The following SHISAL2A variants were observed in gnomAD, a reference collection of about 807,000 sequenced individuals.
The protein encoded by SHISAL2A is protein shisa-like-2A.
In SHISAL2A, 18 loss-of-function variants were observed where a neutral mutation model predicts 11.5. The ratio of observed to expected loss-of-function variants is 1.57; its 90% CI spans 1.08 to 2.33. SHISAL2A has a LOEUF of 2.33. SHISAL2A is among the 30% of genes most tolerant of loss of function. SHISAL2A has a pLI of 0.00. For synonymous variants in SHISAL2A, 94 were observed against 99.6 expected, an observed-to-expected ratio of 0.94 and a Z score of 0.34; for missense variants, 261 against 250.9, an observed-to-expected ratio of 1.04 and a Z score of -0.27.
rs753856047 is a variant in SHISAL2A, at chr1:52,642,846, T to C, written c.183-17T>C. 1 of 1,612,342 alleles carries C rather than the reference T, an allele frequency of 6.2e-7. No individual in the cohort carries two copies. Among genetic ancestry groups the C allele is most frequent in the Non-Finnish European group, 8.5e-7 (1 of 1,179,734 alleles). On this transcript the variant is annotated splice_polypyrimidine_tract_variant and intron_variant, in intron 1 of 2. Transcript: ENST00000517870. The stretch of plus-strand genomic sequence containing the variant: ...CCCTTCCTGACTCTCAGCTCCCATG[T>C]GGTCTTCTCTTCCCAGCATTGGCGC...
At chr1:52,663,948 T>TG (rs1691957177) in intron 4 of SHISAL2A, among the ~76,000 whole-genome samples, 1 of 152,316 alleles carries the variant, frequency 6.6e-6, no homozygotes, top group African/African-American at 2.4e-5. Context: ...GTACCAACCC[T>TG]GATTATGCTG....
chr1:52,635,380 C>T (rs1691216670), intron 1 of SHISAL2A, among the ~76,000 whole-genome samples: 1 of 147,740 alleles, frequency 6.8e-6, no homozygotes, highest in African/African-American at 2.5e-5. Flanking sequence ...CCAGAGAATT[C>T]GGAGACTATG....
At chr1:52,649,878 C>T (rs190728498) in intron 2 of SHISAL2A, among the ~76,000 whole-genome samples, 1 of 152,198 alleles carries the variant, frequency 6.6e-6, no homozygotes, top group East Asian at 1.9e-4. Flanking sequence ...GTGAAGAGGT[C>T]ATTAGTCAGC....
chr1:52,652,529 T>C (rs1691689671), intron 2 of SHISAL2A, among the ~76,000 whole-genome samples: 1 of 152,138 alleles, frequency 6.6e-6, no homozygotes, highest in South Asian at 2.1e-4. Flanking sequence ...AGGCTAAATA[T>C]GGGATTCAGC....
downstream of SHISAL2A, chr1:52,657,212 A>G (rs2149891884): frequency 1.1e-6 from 1 of 879,576 alleles, no homozygotes; most frequent in Non-Finnish European, 1.7e-6. Flanking sequence ...TGTGGGCCAA[A>G]GAACTTTGAC....
rs533532593 is a variant in SHISAL2A at position 52,665,411 on chromosome 1, G to T, written n.696-1988G>T. 2.6e-5 allele frequency among the ~76,000 whole-genome samples: 4 copies of T among 152,222 alleles called. No homozygotes were observed. In the East Asian group the frequency reaches 5.8e-4, roughly 22 times the overall value. On this transcript the variant is annotated intron_variant and non_coding_transcript_variant, in intron 4 of 5. Transcript: ENST00000401050. ...GGGTGGGGACAGAGGTCAGCAGGAG[G>T]ATCCCACTCCCCTAGGGAGGAGCAG...
chr1:52,644,881 G>A (rs544954550), intron 2 of SHISAL2A, among the ~76,000 whole-genome samples: 2 of 151,482 alleles, frequency 1.3e-5, no homozygotes, highest in African/African-American at 4.8e-5. Flanking sequence ...GCTGGGCTTG[G>A]TGGTGGGCGC....
intron 2 of SHISAL2A, among the ~76,000 whole-genome samples, chr1:52,653,286 CAAAAAAAAAAAAAAAAA>C (rs59878820): frequency 2.7e-5 from 1 of 36,424 alleles, no homozygotes; most frequent in African/African-American, 9.0e-5. Flanking sequence ...CCTGTCTCTA[CAAAAAAAAAAAAAAAAA>C]AAAAAAAAAA....
intron 2 of SHISAL2A, among the ~76,000 whole-genome samples, chr1:52,650,437 G>A (rs535886110): frequency 1.1e-4 from 16 of 152,090 alleles, no homozygotes; most frequent in East Asian, 3.9e-4. Context: ...TTTTTCTCTC[G>A]GCCTCAATTT....
At chr1:52,644,126 C>T (rs1691437782) in intron 2 of SHISAL2A, among the ~76,000 whole-genome samples, 1 of 152,052 alleles carries the variant, frequency 6.6e-6, no homozygotes, top group Non-Finnish European at 1.5e-5. Context: ...ATACAGCTCA[C>T]ATCTGTCTGC....
At chr1:52,654,889 T>C (rs1691756015) in intron 2 of SHISAL2A, among the ~76,000 whole-genome samples, 1 of 152,144 alleles carries the variant, frequency 6.6e-6, no homozygotes, top group Non-Finnish European at 1.5e-5. Flanking sequence ...TTTGACAAAA[T>C]ATATAAGGAT....
At chr1:52,655,880 G>A (rs149821948) in intron 2 of SHISAL2A, among the ~76,000 whole-genome samples, 201 of 152,274 alleles carry the variant, frequency 1.3e-3, no homozygotes, top group African/African-American at 4.4e-3. Flanking sequence ...ACTGGAGGCC[G>A]TTCCAGGGGT....
At position 52,656,880 on chromosome 1, in the gene SHISAL2A, C is replaced by T; in HGVS notation, c.413C>T (p.Ser138Phe). 4 of 1,614,142 alleles carry T rather than the reference C, an allele frequency of 2.5e-6. No individual in the cohort carries two copies. The highest frequency in any genetic ancestry group is 3.4e-6 in the Non-Finnish European group (4 of 1,180,020). Residue 138 changes from serine (S) to phenylalanine (F), a missense_variant, in exon 3 of 3, where the codon TCC becomes TTC. By Grantham distance (155) the Ser-to-Phe change is radical (BLOSUM62 -2). Coordinates refer to ENST00000517870, the MANE Select transcript of SHISAL2A (RefSeq NM_001042693.3). ...PKVSPLQQSY[S>F]CLNPQLESNE... ...GTGAGCCCTCTCCAGCAGAGTTACTCCTGCTTGAACCCGCAGCTGGAGAGC... is the reference window on the plus strand; with the variant it reads ...GTGAGCCCTCTCCAGCAGAGTTACTTCTGCTTGAACCCGCAGCTGGAGAGC...
intron 4 of SHISAL2A, among the ~76,000 whole-genome samples, chr1:52,664,946 G>C (rs796326160): frequency 6.6e-6 from 1 of 152,046 alleles, no homozygotes; most frequent in Non-Finnish European, 1.5e-5. Context: ...ACACCACCAC[G>C]CCTAGCTAAT....
intron 2 of SHISAL2A, 72 bp downstream of exon 2, chr1:52,643,074 A>G (rs913182100): frequency 1.3e-6 from 2 of 1,490,220 alleles, no homozygotes; most frequent in African/African-American, 2.8e-5. Context: ...GAAATGTAGA[A>G]ATGATGTTTG....
downstream of SHISAL2A, among the ~76,000 whole-genome samples, chr1:52,658,569 G>A (rs1691843922): frequency 6.6e-6 from 1 of 152,190 alleles, no homozygotes; most frequent in African/African-American, 2.4e-5. Flanking sequence ...AATAGGGCTT[G>A]GGGAAGGACT....
chr1:52,642,206 G>C (rs932463353), intron 1 of SHISAL2A, among the ~76,000 whole-genome samples: 1 of 152,122 alleles, frequency 6.6e-6, no homozygotes, highest in African/African-American at 2.4e-5. Flanking sequence ...AGTATGGGGG[G>C]GTCCCCTAAG....
Position 52,656,849 on chromosome 1 carries a change from C to A in SHISAL2A, c.382C>A (p.Pro128Thr). The A allele has an allele frequency of 6.2e-7, 1 of 1,614,112 alleles. No homozygotes were observed. Among genetic ancestry groups the A allele is most frequent in the Non-Finnish European group, 8.5e-7 (1 of 1,180,010 alleles). ...GAACACAGGCATGGCGGCAGAAGTGCCAAAAGTGAGCCCTCTCCAGCAGAG... is the reference window on the plus strand; with the variant it reads ...GAACACAGGCATGGCGGCAGAAGTGACAAAAGTGAGCCCTCTCCAGCAGAG... ...GVNTGMAAEV[P>T]KVSPLQQSYS... Residue 128 changes from proline to threonine, a missense_variant, in exon 3 of 3, where the codon CCA becomes ACA. By Grantham distance (38) the Pro-to-Thr change is conservative. Coordinates refer to ENST00000517870, the MANE Select transcript of SHISAL2A (RefSeq NM_001042693.3).
Position 52,653,290 on chromosome 1 carries a change from A to C in SHISAL2A, c.323-3500A>C, listed in dbSNP as rs969115709. Among the ~76,000 whole-genome samples, 653 of 119,824 alleles carry C rather than the reference A, an allele frequency of 5.4e-3. 10 individuals are homozygous for C. Among genetic ancestry groups the C allele is most frequent in the African/African-American group, 0.026 (594 of 22,724 alleles). The allele number at this position is 119,824 out of a possible 152,430, so 78.6% of individuals were successfully genotyped here. Reference sequence around the variant, plus strand: ...ATGACAAGACTCCTGTCTCTACAAAAAAAAAAAAAAAAAAAAAAAAAAAAG... The same window carrying C: ...ATGACAAGACTCCTGTCTCTACAAACAAAAAAAAAAAAAAAAAAAAAAAAG... On this transcript the variant is annotated intron_variant, in intron 2 of 2. Coordinates refer to ENST00000517870, the MANE Select transcript of SHISAL2A (RefSeq NM_001042693.3).
Sources: gnomAD v4.1 joint callset for allele counts (sites outside exome capture counted in the v4.1 genomes callset) on GRCh38, gnomAD v4.1.1 for gene constraint, MANE v1.5 for transcripts, NCBI Gene and HGNC (gene_info 2026-07-23, HGNC 2026-07-21) for gene names.